PDLIM5: variants seen among roughly 807,000 people sequenced by gnomAD.
The protein encoded by PDLIM5 is PDZ and LIM domain 5.
A neutral mutation model predicts 64.2 loss-of-function variants in PDLIM5; 34 were observed. The observed-to-expected ratio is 0.53, with a 90% CI of 0.40 to 0.71. PDLIM5 has a LOEUF of 0.71. Among genes scored for constraint, PDLIM5 ranks in the 30% least tolerant of loss-of-function variants. PDLIM5 has a pLI of 0.00. For missense variants in PDLIM5, 683 were observed against 733.6 expected, an observed-to-expected ratio of 0.93 and a Z score of 0.80; for synonymous variants, 253 against 269.1, an observed-to-expected ratio of 0.94 and a Z score of 0.59.
At chr4:94,648,382 G>A (rs995163554) in intron 9 of PDLIM5, among the ~76,000 whole-genome samples, 1 of 152,036 alleles carries the variant, frequency 6.6e-6, no homozygotes, top group Non-Finnish European at 1.5e-5. Context: ...TGCAGTGGCA[G>A]GATCTCAGCT....
At chr4:94,471,707 T>C (rs1353707816) in intron 2 of PDLIM5, among the ~76,000 whole-genome samples, 1 of 152,126 alleles carries the variant, frequency 6.6e-6, no homozygotes, top group African/African-American at 2.4e-5. Flanking sequence ...CCCAAGTTCT[T>C]TACCTGTCAA....
intron 8 of PDLIM5, among the ~76,000 whole-genome samples, chr4:94,628,114 T>A (rs1739848754): frequency 6.6e-6 from 1 of 152,212 alleles, no homozygotes; most frequent in Admixed American, 6.5e-5. Context: ...CTTTTACTAC[T>A]TCATTGAATC....
At chr4:94,583,015 T>G (rs1735861296) in intron 5 of PDLIM5, 1 of 260,510 alleles carries the variant, frequency 3.8e-6, no homozygotes, top group Non-Finnish European at 7.2e-6. Flanking sequence ...AGAACTGTAG[T>G]TTGGGCTTTC....
intron 7 of PDLIM5, among the ~76,000 whole-genome samples, chr4:94,595,433 A>G (rs988224585): frequency 3.3e-5 from 5 of 152,254 alleles, no homozygotes; most frequent in Non-Finnish European, 7.3e-5. Context: ...GTCTTCTTGT[A>G]GGCTATCTTC....
intron 3 of PDLIM5, among the ~76,000 whole-genome samples, chr4:94,546,306 G>A (rs768640766): frequency 8.6e-5 from 13 of 151,852 alleles, no homozygotes; most frequent in Non-Finnish European, 1.5e-4. Context: ...AAACCTTACC[G>A]CCTACCTTAC....
At position 94,454,997 on chromosome 4, in the gene PDLIM5, A is replaced by T. The variant is rs547937628; in HGVS notation, c.-42-250A>T. On this transcript the variant is annotated intron_variant, in intron 1 of 12. Coordinates refer to ENST00000317968, the MANE Select transcript of PDLIM5 (RefSeq NM_006457.5). ...AGAAGCCACAAAATTGGATTGAAGC[A>T]AGTTGTGAAACATACTAAGTGTCTA... Among the ~76,000 whole-genome samples, 135 of 152,338 alleles carry T rather than the reference A, an allele frequency of 8.9e-4. 2 individuals carry two copies. Among genetic ancestry groups the T allele is most frequent in the African/African-American group, 3.2e-3 (132 of 41,580 alleles).
chr4:94,466,710 C>G (rs562418201), intron 2 of PDLIM5, among the ~76,000 whole-genome samples: 1 of 152,260 alleles, frequency 6.6e-6, no homozygotes, highest in African/African-American at 2.4e-5. Context: ...CAGCCTCTTC[C>G]TGATTTTTCA....
chr4:94,470,935 A>AG (rs757289760), intron 2 of PDLIM5, among the ~76,000 whole-genome samples: 8 of 152,186 alleles, frequency 5.3e-5, no homozygotes, highest in Non-Finnish European at 1.0e-4. Context: ...TCATGGTGGA[A>AG]GCGAAGGAGG....
At chr4:94,660,059 C>T (rs1742559334) in intron 11 of PDLIM5, among the ~76,000 whole-genome samples, 1 of 151,732 alleles carries the variant, frequency 6.6e-6, no homozygotes. Context: ...CCACTCCCGG[C>T]TAATATTTTT....
At chr4:94,575,553 G>A (rs991279891) in intron 4 of PDLIM5, 63 bp from the exon 5 acceptor site, 12 of 1,130,202 alleles carry the variant, frequency 1.1e-5, no homozygotes, top group Admixed American at 4.6e-5. Flanking sequence ...TGTTCTTTTC[G>A]GTGAAATATA....
At chr4:94,610,114 C>T (rs769261691) in intron 7 of PDLIM5, 39 of 1,171,598 alleles carry the variant, frequency 3.3e-5, no homozygotes, top group Non-Finnish European at 1.2e-5. Context: ...TACCCTTTCT[C>T]ACTTTCCTTT....
At chr4:94,452,104 G>A (rs1412665781) in intron 1 of PDLIM5, 109 bp downstream of exon 1, 1 of 152,406 alleles carries the variant, frequency 6.6e-6, no homozygotes, top group African/African-American at 2.4e-5. Flanking sequence ...TGGGGACGAG[G>A]AGGGGGCGCT....
At chr4:94,639,209 T>C (rs1379552623) in intron 8 of PDLIM5, among the ~76,000 whole-genome samples, 1 of 152,136 alleles carries the variant, frequency 6.6e-6, no homozygotes, top group Non-Finnish European at 1.5e-5. Context: ...TTTAGTGTTC[T>C]TGGAGCATAA....
chr4:94,599,699 G>T (rs755815471), intron 7 of PDLIM5, among the ~76,000 whole-genome samples: 26 of 152,090 alleles, frequency 1.7e-4, no homozygotes, highest in Non-Finnish European at 3.4e-4. Flanking sequence ...TTGGAATGGG[G>T]TGAAGAGGAA....
chr4:94,531,116 TTTC>T (rs1229418527), intron 3 of PDLIM5, among the ~76,000 whole-genome samples: 2 of 152,200 alleles, frequency 1.3e-5, no homozygotes, highest in African/African-American at 2.4e-5. Context: ...TTACTTTTTT[TTTC>T]TTCTTTGGTA....
chr4:94,498,153 C>T (rs916344324), intron 2 of PDLIM5, among the ~76,000 whole-genome samples: 5 of 152,160 alleles, frequency 3.3e-5, no homozygotes, highest in Admixed American at 2.6e-4. Flanking sequence ...GAAGCGGGCT[C>T]ATTTGTATTG....
chr4:94,660,746 T>C (rs2110504918), intron 11 of PDLIM5, among the ~76,000 whole-genome samples: 1 of 152,220 alleles, frequency 6.6e-6, no homozygotes, highest in East Asian at 1.9e-4. Flanking sequence ...CAAGTAAGGT[T>C]AATCGAGTTG....
At chr4:94,491,014 C>G (rs1033759577) in intron 2 of PDLIM5, among the ~76,000 whole-genome samples, 4 of 152,184 alleles carry the variant, frequency 2.6e-5, no homozygotes, top group African/African-American at 9.6e-5. Context: ...TACCCTACCT[C>G]TATCATAAAG....
chr4:94,501,923 G>T (rs913434433), intron 2 of PDLIM5, among the ~76,000 whole-genome samples: 1 of 152,326 alleles, frequency 6.6e-6, no homozygotes, highest in South Asian at 2.1e-4. Context: ...CTCTGGATGA[G>T]CCTACTAATG....
Sources: allele counts gnomAD v4.1 joint callset (sites outside exome capture counted in the v4.1 genomes callset), GRCh38; gene constraint gnomAD v4.1.1; transcripts MANE v1.5; gene names NCBI Gene and HGNC (gene_info 2026-07-23, HGNC 2026-07-21).